Variants in SNX31 observed in about 807,000 individuals in gnomAD.
The protein encoded by SNX31 is sorting nexin-31.
SNX31 carries 58 observed loss-of-function variants against 65.4 expected under a neutral mutation model. The observed-to-expected ratio is 0.89, with a 90% confidence interval of 0.72 to 1.10. The LOEUF (loss-of-function observed/expected upper bound fraction) is 1.10, where lower values mean the gene tolerates loss of function less well. Ranked by LOEUF, SNX31 falls within the 50% of genes least tolerant of loss-of-function variation. SNX31 has a pLI of 0.00. For missense variants in SNX31, 523 were observed against 529.7 expected (o/e 0.99, Z 0.12); for synonymous variants, 181 against 190.1 (o/e 0.95, Z 0.39).
chr8:100,640,271 C>T (rs1474971808), intron 2 of SNX31, among the ~76,000 whole-genome samples: 1 of 152,194 alleles, frequency 6.6e-6, no homozygotes, highest in Non-Finnish European at 1.5e-5. Context: ...GGATTACAGG[C>T]ATGTGCCACT....
chr8:100,658,169 C>T (rs1030616761), intron 1 of SNX31, among the ~76,000 whole-genome samples: 2 of 152,092 alleles, frequency 1.3e-5, no homozygotes, highest in African/African-American at 2.4e-5. Context: ...AAACTACTGG[C>T]GAGTGAGTAA....
chr8:100,596,986 G>A, intron 9 of SNX31, 144 bp from the exon 10 acceptor site: 1 of 693,518 alleles, frequency 1.4e-6, no homozygotes, highest in East Asian at 2.7e-5. Context: ...TCCTTTTCTT[G>A]ATCCTACACA....
chr8:100,650,405 A>G (rs913252162), upstream of SNX31, among the ~76,000 whole-genome samples: 5 of 152,208 alleles, frequency 3.3e-5, no homozygotes, highest in African/African-American at 1.2e-4. Flanking sequence ...TACCACGGAC[A>G]AAACAGGCCC....
chr8:100,649,726 G>T (rs111564862), upstream of SNX31: 7 of 467,046 alleles, frequency 1.5e-5, no homozygotes, highest in South Asian at 1.8e-4. Flanking sequence ...CAGCCCCGCC[G>T]CTCTGGTCCC....
rs1809762957 is a variant in SNX31, at chr8:100,660,373, A to G, written c.-58+2769T>C. On this transcript the variant is annotated intron_variant, in intron 1 of 5. Coordinates refer to the SNX31 transcript ENST00000520352. This position sits in a 1 kb window ranked among gnomAD's most constrained non-coding sequence, Gnocchi z 4.1. ...ATTGAATCCAGGCTCTCTAAGCCTA[A>G]ACTCTTTGCAGCAATTTTTATTATT... Among the ~76,000 whole-genome samples, 2 of 152,240 alleles carry G rather than the reference A, an allele frequency of 1.3e-5. No homozygotes were observed.
intron 4 of SNX31, among the ~76,000 whole-genome samples, chr8:100,628,303 C>T (rs183861444): frequency 8.9e-4 from 135 of 152,160 alleles, no homozygotes; most frequent in Non-Finnish European, 1.4e-3. Context: ...ATGTTTATTG[C>T]GGCACTATTC....
rs190221942 is a variant in SNX31, at chr8:100,594,946, T to C, written c.978+1693A>G. ...AGCAAACTTTGGCACATCCAGACCA[T>C]GGACTGCTGCTCAACAATAAAAAGA... On this transcript the variant is annotated intron_variant, in intron 10 of 13. Coordinates refer to ENST00000311812, the MANE Select transcript of SNX31 (RefSeq NM_152628.4). This position sits in a 1 kb window ranked among gnomAD's most constrained non-coding sequence, Gnocchi z 4.0. Among the ~76,000 whole-genome samples, 6 of 152,332 alleles carry C rather than the reference T, an allele frequency of 3.9e-5. No homozygotes were observed. Among genetic ancestry groups the C allele is most frequent in the Admixed American group, 2.6e-4 (4 of 15,288 alleles).
At chr8:100,658,080 C>T (rs1461553909) in intron 1 of SNX31, among the ~76,000 whole-genome samples, 1 of 152,082 alleles carries the variant, frequency 6.6e-6, no homozygotes, top group East Asian at 1.9e-4. Flanking sequence ...ATGTCCGGGT[C>T]CCACCTTCAG....
intron 2 of SNX31, among the ~76,000 whole-genome samples, chr8:100,640,407 T>C (rs1423001016): frequency 6.6e-6 from 1 of 152,228 alleles, no homozygotes; most frequent in Non-Finnish European, 1.5e-5. Context: ...ATTACAGGCG[T>C]GAGCCACCAC....
In SNX31 at chr8:100,636,060, G is replaced by C. The variant is rs781149630; in HGVS notation, c.142-49C>G. 2.8e-6 allele frequency: 4 copies of C among 1,403,644 alleles called. No homozygotes were observed. The South Asian group carries it at 3.5e-5, about 12-fold the overall frequency. The allele number at this position is 1,403,644 out of a possible 1,614,324, so 86.9% of individuals were successfully genotyped here. On this transcript the variant is annotated intron_variant, in intron 2 of 13. Coordinates refer to ENST00000311812, the MANE Select transcript of SNX31 (RefSeq NM_152628.4). ...TAAGGCAGGTGAGCCGCCAGTTCAG[G>C]GTTGATGAGATTACTAAAGTCTCCT...
In SNX31 at chr8:100,649,565, G is replaced by A; in HGVS notation, c.-51C>T. Reference sequence around the variant, plus strand: ...GCTGGGAACCCGACCTGCGGCGGCGGGCGGTGCGCGGCTCTGAACTCGGCA... The same window carrying A: ...GCTGGGAACCCGACCTGCGGCGGCGAGCGGTGCGCGGCTCTGAACTCGGCA... On this transcript the variant is annotated 5_prime_UTR_variant, in exon 1 of 14. Transcript: ENST00000311812. 1 of 1,516,812 alleles carries A rather than the reference G, an allele frequency of 6.6e-7. No individual in the cohort carries two copies. The highest frequency in any genetic ancestry group is 8.9e-7 in the Non-Finnish European group (1 of 1,119,088). 94.0% of individuals were successfully genotyped at this position (1,516,812 alleles called of 1,614,324 possible). A position where few individuals can be genotyped will look rare whatever the true frequency, so the allele number is the denominator to read the frequency against.
upstream of SNX31, among the ~76,000 whole-genome samples, chr8:100,653,762 A>C (rs1009010530): frequency 1.3e-5 from 2 of 152,252 alleles, no homozygotes; most frequent in Admixed American, 6.5e-5. Context: ...GGCCACAGTC[A>C]GCCTCATACC....
chr8:100,580,951 T>C (rs775759072), intron 12 of SNX31, among the ~76,000 whole-genome samples: 1 of 152,100 alleles, frequency 6.6e-6, no homozygotes, highest in Non-Finnish European at 1.5e-5. Context: ...TACAGGAGCA[T>C]AGCTTTAAGA....
intron 2 of SNX31, among the ~76,000 whole-genome samples, chr8:100,641,505 A>G (rs1819174900): frequency 7.7e-6 from 1 of 129,292 alleles, no homozygotes; most frequent in Admixed American, 8.4e-5. Flanking sequence ...AGATCACACC[A>G]CTGCGCTCCA....
At chr8:100,584,068 TG>T (rs748385349) in intron 12 of SNX31, 42 bp downstream of exon 12, 2 of 1,568,974 alleles carry the variant, frequency 1.3e-6, no homozygotes, top group Non-Finnish European at 1.7e-6. Flanking sequence ...TGGCTGATAG[TG>T]GGAACGTAAA....
chr8:100,611,723 T>G (rs562122604), intron 7 of SNX31, among the ~76,000 whole-genome samples: 1 of 152,132 alleles, frequency 6.6e-6, no homozygotes, highest in Non-Finnish European at 1.5e-5. Flanking sequence ...TCTGGCTAAT[T>G]TTTTTGATTT....
chr8:100,641,664 G>A (rs1487116005), intron 2 of SNX31, among the ~76,000 whole-genome samples: 2 of 104,296 alleles, frequency 1.9e-5, no homozygotes, highest in African/African-American at 7.6e-5. Flanking sequence ...ATATATGTAT[G>A]GTACTTGCCT....
chr8:100,602,973 A>G (rs1815784364), intron 8 of SNX31, among the ~76,000 whole-genome samples: 1 of 152,220 alleles, frequency 6.6e-6, no homozygotes, highest in Non-Finnish European at 1.5e-5. Flanking sequence ...CCACCATTTT[A>G]CAGATGAGTA....
In SNX31 at chr8:100,622,604, T is replaced by A. The variant is rs2131126411; in HGVS notation, c.322-4874A>T. On this transcript the variant is annotated intron_variant, in intron 4 of 13. Coordinates refer to ENST00000311812, the MANE Select transcript of SNX31 (RefSeq NM_152628.4). The surrounding 1 kb of genome is among the most constrained non-coding windows in gnomAD (Gnocchi z 5.0). ...AGGCGGAGGTTGCAGTGAACTGAGA[T>A]TGCACCACTGCACTCCAGCCTGGGT... Among the ~76,000 whole-genome samples, 1 of 151,692 alleles carries A rather than the reference T, an allele frequency of 6.6e-6. No individual in the cohort carries two copies. The highest frequency in any genetic ancestry group is 1.9e-4 in the East Asian group (1 of 5,154).
Sources: allele counts gnomAD v4.1 joint callset (sites outside exome capture counted in the v4.1 genomes callset), GRCh38; gene constraint gnomAD v4.1.1; non-coding constraint Gnocchi (gnomAD v3.1); transcripts MANE v1.5; gene names NCBI Gene and HGNC (gene_info 2026-07-23, HGNC 2026-07-21).